Variants in SLC4A11 observed in about 807,000 individuals in gnomAD.
SLC4A11 encodes bicarbonate transporter related protein 1.
In SLC4A11, 74 loss-of-function variants were observed where a neutral mutation model predicts 95.0. That is an observed-to-expected ratio of 0.78 (90% CI 0.65 to 0.95). The LOEUF (loss-of-function observed/expected upper bound fraction) is 0.95. SLC4A11 is among the 40% of genes least tolerant of loss of function. SLC4A11 has a pLI of 0.00. For synonymous variants in SLC4A11, 548 were observed against 519.0 expected (o/e 1.06, Z -0.76); for missense variants, 1,081 against 1,192.4 (o/e 0.91, Z 1.38).
At position 3,231,101 on chromosome 20, in the gene SLC4A11, G is replaced by A; in HGVS notation, c.1043-43C>T. Reference sequence around the variant, plus strand: ...GAGAGAGGGTTTGCTGGGGATGCAGGACAGGCACACGTGTGGGCCCAAGGC... The same window carrying A: ...GAGAGAGGGTTTGCTGGGGATGCAGAACAGGCACACGTGTGGGCCCAAGGC... On this transcript the variant is annotated intron_variant, in intron 9 of 19. Transcript: ENST00000642402. This position sits in a 1 kb window ranked among gnomAD's most constrained non-coding sequence, Gnocchi z 5.2. 6.2e-7 allele frequency: 1 copy of A among 1,614,138 alleles called. No individual in the cohort carries two copies. The highest frequency in any genetic ancestry group is 8.5e-7 in the Non-Finnish European group (1 of 1,180,022).
At chr20:3,230,676 GC>G in intron 11 of SLC4A11, 29 bp from the exon 12 acceptor site, 1 of 1,613,014 alleles carries the variant, frequency 6.2e-7, no homozygotes, top group Non-Finnish European at 8.5e-7. Flanking sequence ...GCGGGTCAGG[GC>G]CCGGCAGGAA....
chr20:3,234,583 C>G lies in SLC4A11; in HGVS notation c.276G>C (p.Leu92=). The G allele has an allele frequency of 1.9e-6, 3 of 1,613,818 alleles. No individual in the cohort carries two copies. In the South Asian group the frequency reaches 3.3e-5, roughly 18 times the overall value. ...NEATSGGCVL[L]HTSRKYLKLK... Reference sequence around the variant, plus strand: ...GGCCATTCACCTTTCGGGAGGTGTGCAGGAGCACACAGCCACCGGAAGTCG... The same window carrying G: ...GGCCATTCACCTTTCGGGAGGTGTGGAGGAGCACACAGCCACCGGAAGTCG... Residue 92 remains leucine, a synonymous_variant, in exon 4 of 20, where the codon CTG becomes CTC. Coordinates refer to ENST00000642402, the MANE Select transcript of SLC4A11 (RefSeq NM_001174089.2). The surrounding 1 kb of genome is among the most constrained non-coding windows in gnomAD (Gnocchi z 5.8).
intron 7 of SLC4A11, among the ~76,000 whole-genome samples, chr20:3,233,260 C>T (rs1436877259): frequency 2.0e-5 from 3 of 152,064 alleles, no homozygotes; most frequent in African/African-American, 7.2e-5. Flanking sequence ...CAGAGAAGGC[C>T]GCGTGTTTGA....
chr20:3,227,796 G>A lies in SLC4A11; in HGVS notation c.2619C>T (p.His873=). The A allele has an allele frequency of 6.2e-7, 1 of 1,613,160 alleles. No homozygotes were observed. The highest frequency in any genetic ancestry group is 8.5e-7 in the Non-Finnish European group (1 of 1,179,948). ...AKYLDVMDAE[H]RP Reference sequence around the variant, plus strand: ...GGGCAGGGTCTGCCAGTCAAGGCCTGTGCTCAGCGTCCATGACATCCAAGT... The same window carrying A: ...GGGCAGGGTCTGCCAGTCAAGGCCTATGCTCAGCGTCCATGACATCCAAGT... Residue 873 remains histidine, a synonymous_variant, in exon 20 of 20, where the codon CAC becomes CAT. Coordinates refer to ENST00000642402, the MANE Select transcript of SLC4A11 (RefSeq NM_001174089.2).
Position 3,233,649 on chromosome 20 carries a change from G to A in SLC4A11, c.606-12C>T, listed in dbSNP as rs745545097. Reference sequence around the variant, plus strand: ...CCTTCATGGTACAGCTGGCAGGGGCGGGGAGGACACAGTGCACAGTTGCAC... The same window carrying A: ...CCTTCATGGTACAGCTGGCAGGGGCAGGGAGGACACAGTGCACAGTTGCAC... On this transcript the variant is annotated splice_polypyrimidine_tract_variant and intron_variant, in intron 6 of 19. Coordinates refer to ENST00000642402, the MANE Select transcript of SLC4A11 (RefSeq NM_001174089.2). The A allele has an allele frequency of 6.8e-6, 11 of 1,610,900 alleles. No homozygotes were observed. The East Asian group carries it at 8.9e-5, about 13-fold the overall frequency.
chr20:3,230,214 G>A lies in SLC4A11; in HGVS notation c.1462C>T (p.Leu488=). The part of the protein sequence containing the change: ...IALFISITFV[L]DAVKGTVKIF... ...TTAACCGTGCCCTTGACGGCATCCA[G>A]CACAAACGTGATGGAAATGAAGAGG... is the stretch of plus-strand genomic sequence containing the variant. Residue 488 remains leucine, a synonymous_variant, in exon 13 of 20, where the codon CTG becomes TTG. Transcript: ENST00000642402. 6.2e-7 allele frequency: 1 copy of A among 1,613,590 alleles called. No homozygotes were observed.
At chr20:3,238,134 C>T (rs1315250007) in intron 1 of SLC4A11, 4 of 1,451,344 alleles carry the variant, frequency 2.8e-6, no homozygotes, top group Non-Finnish European at 3.6e-6. Context: ...CAACGGTCTC[C>T]AGTCCTGGGA....
Position 3,230,745 on chromosome 20 carries a change from C to T in SLC4A11, c.1269G>A (p.Ala423=), listed in dbSNP as rs369277585. ...LVILLTTAPL[A]LYIQVIRVIC... Reference sequence around the variant, plus strand: ...CCCCCACTGCACCCTGGATGTAGAGCGCCAGGGGCGCGGTGGTCAGCAGAA... The same window carrying T: ...CCCCCACTGCACCCTGGATGTAGAGTGCCAGGGGCGCGGTGGTCAGCAGAA... Residue 423 remains alanine, a synonymous_variant, in exon 11 of 20, where the codon GCG becomes GCA. Coordinates refer to ENST00000642402, the MANE Select transcript of SLC4A11 (RefSeq NM_001174089.2). The T allele has an allele frequency of 8.7e-6, 14 of 1,613,152 alleles. No homozygotes were observed. Among genetic ancestry groups the T allele is most frequent in the East Asian group, 6.7e-5 (3 of 44,876 alleles).
intron 13 of SLC4A11, 67 bp downstream of exon 13, chr20:3,230,120 G>A: frequency 2.6e-6 from 4 of 1,557,546 alleles, no homozygotes; most frequent in Non-Finnish European, 3.5e-6. Context: ...CCCCAGCCAG[G>A]GGCAGTGCAG....
rs1272723338 is a variant in SLC4A11, at chr20:3,231,603, C to T, written c.730-55G>A. 37 of 1,561,532 alleles carry T rather than the reference C, an allele frequency of 2.4e-5. No homozygotes were observed. The highest frequency in any genetic ancestry group is 3.0e-5 in the Non-Finnish European group (34 of 1,133,912). On this transcript the variant is annotated intron_variant, in intron 7 of 19. Coordinates refer to ENST00000642402, the MANE Select transcript of SLC4A11 (RefSeq NM_001174089.2). This position sits in a 1 kb window ranked among gnomAD's most constrained non-coding sequence, Gnocchi z 5.2. ...GAAACAGAGGAGGCCCTGCCCGGGC[C>T]GAGCAGGTGAAGGTGCTCTCCCCAT...
Position 3,235,180 on chromosome 20 carries a change from T to C in SLC4A11, c.89-286A>G, listed in dbSNP as rs118130809. Among the ~76,000 whole-genome samples, 10,502 of 152,204 alleles carry C rather than the reference T, an allele frequency of 0.069. 428 individuals carry two copies. The highest frequency in any genetic ancestry group is 0.086 in the Non-Finnish European group (5,868 of 67,996). ...GAAAAACATGTCCACTCCAGACACATTGGGGCAGGCACGGAGTGCAATAAT... is the reference window on the plus strand; with the variant it reads ...GAAAAACATGTCCACTCCAGACACACTGGGGCAGGCACGGAGTGCAATAAT... On this transcript the variant is annotated intron_variant, in intron 2 of 19. Transcript: ENST00000642402.
intron 1 of SLC4A11, 110 bp from the exon 2 acceptor site, chr20:3,237,698 G>A (rs1414295329): frequency 1.9e-6 from 3 of 1,614,106 alleles, no homozygotes; most frequent in Non-Finnish European, 1.7e-6. Context: ...TCTTCCGAGG[G>A]ATGCAACCCA....
Position 3,229,239 on chromosome 20 carries a change from C to T in SLC4A11, c.1874G>A (p.Ser625Asn). The change falls in exon 16 of 20, where the codon AGC becomes AAC. Residue 625 changes from serine to asparagine, a missense_variant. Ser to Asn is a conservative substitution (Grantham distance 46). This residue lies in a region of SLC4A11 where 767 missense variants were observed against 858.0 expected (regional missense o/e 0.89). Coordinates refer to ENST00000642402, the MANE Select transcript of SLC4A11 (RefSeq NM_001174089.2). ...IEMSKFRYNP[S>N]ESPFAMAQIQ... Reference sequence around the variant, plus strand: ...CTGCGCCATCGCAAAGGGGCTCTCGCTGGGGTTGTAGCGGAACTTGCTCAC... The same window carrying T: ...CTGCGCCATCGCAAAGGGGCTCTCGTTGGGGTTGTAGCGGAACTTGCTCAC... 1 of 1,613,020 alleles carries T rather than the reference C, an allele frequency of 6.2e-7. No individual in the cohort carries two copies. The highest frequency in any genetic ancestry group is 8.5e-7 in the Non-Finnish European group (1 of 1,180,008).
chr20:3,237,248 C>A (rs1375555570), intron 2 of SLC4A11, among the ~76,000 whole-genome samples: 1 of 152,222 alleles, frequency 6.6e-6, no homozygotes, highest in Admixed American at 6.5e-5. Flanking sequence ...ACACAGAATT[C>A]TTGGCCCAAG....
Position 3,229,192 on chromosome 20 carries a change from C to A in SLC4A11, c.1921G>T (p.Ala641Ser), listed in dbSNP as rs747642720. 6.2e-7 allele frequency: 1 copy of A among 1,612,618 alleles called. No homozygotes were observed. Among genetic ancestry groups the A allele is most frequent in the Non-Finnish European group, 8.5e-7 (1 of 1,180,000 alleles). Residue 641 changes from alanine to serine, a missense_variant, in exon 16 of 20, where the codon GCC (alanine) becomes TCC (serine). Ala to Ser is a moderately conservative substitution (Grantham distance 99). Coordinates refer to ENST00000642402, the MANE Select transcript of SLC4A11 (RefSeq NM_001174089.2). The part of the protein sequence containing the change: ...MAQIQSLSLR[A>S]VSGAMGLGFL... Reference sequence around the variant, plus strand: ...CCGAGGCCCATGGCACCGCTGACGGCCCTCAGGGACAGCGACTGGATCTGC... The same window carrying A: ...CCGAGGCCCATGGCACCGCTGACGGACCTCAGGGACAGCGACTGGATCTGC...
chr20:3,238,622 C>A (rs1189934281), intron 1 of SLC4A11: 2 of 992,564 alleles, frequency 2.0e-6, no homozygotes, highest in Non-Finnish European at 2.4e-6. Flanking sequence ...CCGCGCAGGG[C>A]ACGGTCAGGG....
chr20:3,227,799 C>T lies in SLC4A11; in HGVS notation c.2616G>A (p.Glu872=), dbSNP rs895100181. The stretch of plus-strand genomic sequence containing the variant: ...CAGGGTCTGCCAGTCAAGGCCTGTG[C>T]TCAGCGTCCATGACATCCAAGTACT... ...EAKYLDVMDA[E]HRP Residue 872 remains glutamate (E), a synonymous_variant, in exon 20 of 20, where the codon GAG becomes GAA. Transcript: ENST00000642402. 1 of 1,613,194 alleles carries T rather than the reference C, an allele frequency of 6.2e-7. No homozygotes were observed. Among genetic ancestry groups the T allele is most frequent in the Non-Finnish European group, 8.5e-7 (1 of 1,179,948 alleles).
chr20:3,228,987 G>C lies in SLC4A11; in HGVS notation c.2043C>G (p.His681Gln). ...ENRLVKGTAY[H>Q]WDLLLLAIIN... ...TGATGGCGAGGAGCAGGAGGTCCCA[G>C]TGGTAGGCAGTGCCCTTCACCAGCC... The change falls in exon 17 of 20, where the codon CAC (histidine) becomes CAG (glutamine). Residue 681 changes from histidine to glutamine, a missense_variant. Around this residue, in one of 3 missense-constraint regions of SLC4A11, gnomAD observed 767 missense variants for 858.0 expected, o/e 0.89. Transcript: ENST00000642402. 6.2e-7 allele frequency: 1 copy of C among 1,613,602 alleles called. No individual in the cohort carries two copies. The highest frequency in any genetic ancestry group is 8.5e-7 in the Non-Finnish European group (1 of 1,180,006).
intron 6 of SLC4A11, 133 bp downstream of exon 6, chr20:3,233,788 C>T (rs2067864439): frequency 6.6e-7 from 1 of 1,514,318 alleles, no homozygotes; most frequent in African/African-American, 1.4e-5. Flanking sequence ...TGCTCCAGCC[C>T]TCTTCTCCCA....
Sources: allele counts gnomAD v4.1 joint callset (sites outside exome capture counted in the v4.1 genomes callset), GRCh38; gene constraint gnomAD v4.1.1; regional missense constraint gnomAD v4.1.1; non-coding constraint Gnocchi (gnomAD v3.1); transcripts MANE v1.5; gene names NCBI Gene and HGNC (gene_info 2026-07-23, HGNC 2026-07-21).